The following GRIA4 variants were observed in gnomAD, a reference collection of about 807,000 sequenced individuals.
GRIA4 encodes glutamate receptor 4.
GRIA4 carries 34 observed loss-of-function variants against 104.0 expected under a neutral mutation model. That is an observed-to-expected ratio of 0.33 (90% CI 0.25 to 0.44). The LOEUF (loss-of-function observed/expected upper bound fraction) is 0.44, where lower values mean the gene tolerates loss of function less well. GRIA4 is among the 20% of genes least tolerant of loss of function. GRIA4 has a pLI of 1.00. For synonymous variants in GRIA4, 386 were observed against 381.9 expected, an observed-to-expected ratio of 1.01 and a Z score of -0.13; for missense variants, 750 against 1,096.5, an observed-to-expected ratio of 0.68 and a Z score of 4.46.
At chr11:105,764,093 A>G (rs185135754) in intron 4 of GRIA4, among the ~76,000 whole-genome samples, 1 of 152,254 alleles carries the variant, frequency 6.6e-6, no homozygotes, top group Admixed American at 6.5e-5. Context: ...GATGCATTCC[A>G]AGAGATTATT....
intron 3 of GRIA4, chr11:105,707,533 G>A (rs111864991): frequency 6.6e-6 from 1 of 152,250 alleles, no homozygotes; most frequent in African/African-American, 2.4e-5. Context: ...AGAAGGCATT[G>A]TTCTAAGAGA....
chr11:105,633,313 TA>T (rs1951086770), intron 3 of GRIA4, among the ~76,000 whole-genome samples: 1 of 152,238 alleles, frequency 6.6e-6, no homozygotes, highest in African/African-American at 2.4e-5. Flanking sequence ...TCTACATATT[TA>T]TTTTTTGTCA....
At chr11:105,797,956 T>C (rs1402536767) in intron 4 of GRIA4, 1 of 375,552 alleles carries the variant, frequency 2.7e-6, no homozygotes, top group Non-Finnish European at 5.4e-6. Flanking sequence ...TTCTGCCTCA[T>C]CTATGTATTC....
intron 14 of GRIA4, among the ~76,000 whole-genome samples, chr11:105,969,179 A>G (rs936184674): frequency 7.2e-5 from 11 of 152,206 alleles, no homozygotes; most frequent in Non-Finnish European, 1.2e-4. Flanking sequence ...TGACTTTGAT[A>G]GATGCTATAC....
At chr11:105,830,970 G>T (rs890799610) in intron 4 of GRIA4, among the ~76,000 whole-genome samples, 1 of 148,656 alleles carries the variant, frequency 6.7e-6, no homozygotes, top group Non-Finnish European at 1.5e-5. Context: ...ATACACACAC[G>T]CACACACACA....
chr11:105,966,093 CAG>C, intron 14 of GRIA4: 1 of 1,449,550 alleles, frequency 6.9e-7, no homozygotes, highest in Non-Finnish European at 9.7e-7. Context: ...AGCGGGTAAA[CAG>C]TATGTAAAGT....
chr11:105,677,289 G>T (rs1226463543), intron 3 of GRIA4, among the ~76,000 whole-genome samples: 1 of 151,896 alleles, frequency 6.6e-6, no homozygotes, highest in Non-Finnish European at 1.5e-5. Flanking sequence ...GAAGGTCAGA[G>T]TGATAATCAC....
At chr11:105,974,575 C>G (rs374809688) in intron 16 of GRIA4, 131 bp downstream of exon 16, 1 of 1,607,354 alleles carries the variant, frequency 6.2e-7, no homozygotes, top group Admixed American at 1.7e-5. Flanking sequence ...TTAGGCCCGA[C>G]TACAGTGAGT....
intron 6 of GRIA4, among the ~76,000 whole-genome samples, chr11:105,889,424 T>C (rs1323600596): frequency 6.6e-6 from 1 of 152,174 alleles, no homozygotes; most frequent in Non-Finnish European, 1.5e-5. Context: ...TATAATACAG[T>C]GTATTAATAT....
chr11:105,802,463 A>T (rs1220323203), intron 4 of GRIA4, among the ~76,000 whole-genome samples: 2 of 152,162 alleles, frequency 1.3e-5, no homozygotes, highest in Non-Finnish European at 2.9e-5. Flanking sequence ...AGCTGTCAAG[A>T]TGTAGAAAGT....
At chr11:105,647,126 T>C (rs1230432214) in intron 3 of GRIA4, among the ~76,000 whole-genome samples, 1 of 152,094 alleles carries the variant, frequency 6.6e-6, no homozygotes, top group African/African-American at 2.4e-5. Context: ...CCATTAAAAA[T>C]GGGCAAATGA....
chr11:105,753,675 C>T (rs145728060), intron 4 of GRIA4, among the ~76,000 whole-genome samples: 1 of 152,212 alleles, frequency 6.6e-6, no homozygotes, highest in East Asian at 1.9e-4. Context: ...GCTCAGTCCC[C>T]CACAAGACTG....
At chr11:105,952,279 G>T (rs532493272) in intron 14 of GRIA4, among the ~76,000 whole-genome samples, 1 of 152,226 alleles carries the variant, frequency 6.6e-6, no homozygotes, top group East Asian at 1.9e-4. Context: ...CTGGGGTTTT[G>T]TAAGTTTTTG....
At chr11:105,889,699 C>G (rs2136105691) in intron 6 of GRIA4, among the ~76,000 whole-genome samples, 1 of 152,078 alleles carries the variant, frequency 6.6e-6, no homozygotes, top group South Asian at 2.1e-4. Flanking sequence ...ACTGAAGGTT[C>G]TATTACAGAT....
chr11:105,720,201 G>GT (rs1008963483), intron 3 of GRIA4, among the ~76,000 whole-genome samples: 83 of 150,588 alleles, frequency 5.5e-4, no homozygotes, highest in East Asian at 3.4e-3. Context: ...AAAATTTCAT[G>GT]TTTTTTTTCT....
chr11:105,867,874 T>C (rs1036935528), intron 5 of GRIA4, among the ~76,000 whole-genome samples: 3 of 152,140 alleles, frequency 2.0e-5, no homozygotes, highest in Non-Finnish European at 4.4e-5. Flanking sequence ...ACTCTGACAG[T>C]AGGAATGAGC....
chr11:105,856,000 G>T (rs774137642), intron 4 of GRIA4, among the ~76,000 whole-genome samples: 7 of 152,196 alleles, frequency 4.6e-5, no homozygotes, highest in Middle Eastern at 6.8e-3. Flanking sequence ...ATGACCACCA[G>T]TAGAATAGAT....
intron 4 of GRIA4, among the ~76,000 whole-genome samples, chr11:105,811,383 C>T (rs923836623): frequency 1.3e-5 from 2 of 152,130 alleles, no homozygotes; most frequent in Non-Finnish European, 2.9e-5. Context: ...CTTTTTCTCT[C>T]ACCCCATCTC....
intron 4 of GRIA4, among the ~76,000 whole-genome samples, chr11:105,774,975 G>T (rs185941560): frequency 6.6e-6 from 1 of 152,008 alleles, no homozygotes; most frequent in East Asian, 1.9e-4. Context: ...AATTAGTTTC[G>T]CTAGGCTAAA....
Sources: allele counts gnomAD v4.1 joint callset (sites outside exome capture counted in the v4.1 genomes callset), GRCh38; gene constraint gnomAD v4.1.1; transcripts MANE v1.5; gene names NCBI Gene and HGNC (gene_info 2026-07-23, HGNC 2026-07-21).